Variants in CSNK1D observed in about 807,000 individuals in gnomAD.
The protein encoded by CSNK1D is casein kinase I isoform delta.
A neutral mutation model predicts 46.6 loss-of-function variants in CSNK1D; 16 were observed. The ratio of observed to expected loss-of-function variants is 0.34; its 90% CI spans 0.23 to 0.52. The LOEUF is 0.52. Ranked by LOEUF, CSNK1D falls within the 20% of genes least tolerant of loss-of-function variation. The pLI, the probability that CSNK1D is intolerant of heterozygous loss-of-function variation, is 0.95. For synonymous variants in CSNK1D, 276 were observed against 228.2 expected (o/e 1.21, Z -1.89); for missense variants, 398 against 578.4 (o/e 0.69, Z 3.20).
At chr17:82,254,304 C>T (rs1328431684) in intron 3 of CSNK1D, 16 of 280,656 alleles carry the variant, frequency 5.7e-5, no homozygotes, top group African/African-American at 1.5e-4. Flanking sequence ...GCCGGAGCCT[C>T]GAGAAGCCAG....
rs78642182 is a variant in CSNK1D at position 82,249,439 on chromosome 17, G to A, written c.1049C>T (p.Ser350Leu). 1.3e-6 allele frequency: 2 copies of A among 1,537,206 alleles called. No homozygotes were observed. Among genetic ancestry groups the A allele is most frequent in the African/African-American group, 1.4e-5 (1 of 73,040 alleles). ...GGGAGGGGGGCACTCACCCGTGTGT[G>A]AGGTAGGGGTGAGGGGTGTGGGGGG... ...VAPPTPLTPT[S>L]HTANTSPRPV... The change falls in exon 7 of 9, where the codon TCA becomes TTA. Residue 350 changes from serine (S) to leucine (L), a missense_variant. Ser to Leu is a moderately radical substitution (Grantham distance 145). Transcript: ENST00000314028. The surrounding 1 kb of genome is among the most constrained non-coding windows in gnomAD (Gnocchi z 6.7).
At chr17:82,263,865 C>T (rs1403081714) in intron 2 of CSNK1D, among the ~76,000 whole-genome samples, 1 of 152,244 alleles carries the variant, frequency 6.6e-6, no homozygotes, top group Non-Finnish European at 1.5e-5. Flanking sequence ...GCCAGTCCAC[C>T]ACCAAGGGCC....
chr17:82,271,537 A>G (rs2051623811), intron 1 of CSNK1D, among the ~76,000 whole-genome samples: 2 of 152,228 alleles, frequency 1.3e-5, no homozygotes, highest in Non-Finnish European at 2.9e-5. Context: ...CCAAGAACAC[A>G]TCCAGCTGAC....
intron 3 of CSNK1D, chr17:82,253,567 C>T (rs2051070535): frequency 5.2e-6 from 2 of 384,530 alleles, no homozygotes; most frequent in South Asian, 2.1e-5. Flanking sequence ...GACTACACAC[C>T]AGGATTAGCA....
intron 2 of CSNK1D, among the ~76,000 whole-genome samples, chr17:82,257,652 C>T (rs2051207565): frequency 6.6e-6 from 1 of 152,200 alleles, no homozygotes; most frequent in Non-Finnish European, 1.5e-5. Context: ...CGTGAGAGGG[C>T]GCCCTGGGCT....
intron 3 of CSNK1D, chr17:82,253,999 G>A (rs1374038339): frequency 4.7e-5 from 10 of 212,890 alleles, no homozygotes; most frequent in Admixed American, 1.4e-4. Flanking sequence ...CTGAGCCGCC[G>A]GAGCCTCGAG....
rs187055343 is a variant in CSNK1D at position 82,258,034 on chromosome 17, G to A, written c.188-2457C>T. Among the ~76,000 whole-genome samples the A allele has an allele frequency of 9.6e-4, 146 of 151,674 alleles. 1 individual carries two copies. The highest frequency in any genetic ancestry group is 3.2e-3 in the African/African-American group (134 of 41,380). On this transcript the variant is annotated intron_variant, in intron 2 of 8. Coordinates refer to ENST00000314028, the MANE Select transcript of CSNK1D (RefSeq NM_001893.6). ...AGAAAGAAAACATACTGAGACCCCCGTCTCTACAAAAAAATTTTAAAAATT... is the reference window on the plus strand; with the variant it reads ...AGAAAGAAAACATACTGAGACCCCCATCTCTACAAAAAAATTTTAAAAATT...
chr17:82,272,454 AAT>A (rs2147234931), intron 1 of CSNK1D: 1 of 152,404 alleles, frequency 6.6e-6, no homozygotes, highest in South Asian at 2.0e-4. Flanking sequence ...AAAACCTTCT[AAT>A]CCCATTGTTT....
intron 3 of CSNK1D, chr17:82,253,667 G>A (rs2051072867): frequency 5.7e-6 from 2 of 349,822 alleles, no homozygotes; most frequent in Admixed American, 4.1e-5. Flanking sequence ...CTGGTACCGA[G>A]AAGGTGGCCT....
chr17:82,265,821 C>A (rs761046544), intron 1 of CSNK1D, 25 bp from the exon 2 acceptor site: 1 of 1,557,066 alleles, frequency 6.4e-7, no homozygotes, highest in Non-Finnish European at 8.9e-7. Flanking sequence ...AAAACCACAA[C>A]AGGAATTACC....
Position 82,249,072 on chromosome 17 carries a change from GCTTT to G in CSNK1D, c.1058-62_1058-59del. The G allele has an allele frequency of 1.3e-6, 2 of 1,536,076 alleles. No homozygotes were observed. The highest frequency in any genetic ancestry group is 1.8e-6 in the Non-Finnish European group (2 of 1,138,676). Reference sequence around the variant, plus strand: ...CCCCGTCTGCTGCCTCTCACTCGGGGCTTTCTATGAGAGGCTGTGGCCAGAGAGG... The same window carrying G: ...CCCCGTCTGCTGCCTCTCACTCGGGGCTATGAGAGGCTGTGGCCAGAGAGG... On this transcript the variant is annotated intron_variant, in intron 7 of 8. Coordinates refer to ENST00000314028, the MANE Select transcript of CSNK1D (RefSeq NM_001893.6). The surrounding 1 kb of genome is among the most constrained non-coding windows in gnomAD (Gnocchi z 6.7).
rs1447280713 is a variant in CSNK1D, at chr17:82,250,150, G to A, written c.886-548C>T. 6 of 1,290,146 alleles carry A rather than the reference G, an allele frequency of 4.7e-6. No homozygotes were observed. The highest frequency in any genetic ancestry group is 1.2e-5 in the South Asian group (1 of 81,040). 79.9% of individuals were successfully genotyped at this position (1,290,146 alleles called of 1,614,324 possible). A position where few individuals can be genotyped will look rare whatever the true frequency, so the allele number is the denominator to read the frequency against. ...GCACTATCCAGATGCACGGGGGTGGGGAGGTCAGATTTTAAGCCGAGACAG... is the reference window on the plus strand; with the variant it reads ...GCACTATCCAGATGCACGGGGGTGGAGAGGTCAGATTTTAAGCCGAGACAG... On this transcript the variant is annotated intron_variant, in intron 6 of 8. Coordinates refer to ENST00000314028, the MANE Select transcript of CSNK1D (RefSeq NM_001893.6). This position sits in a 1 kb window ranked among gnomAD's most constrained non-coding sequence, Gnocchi z 4.6.
rs1358944099 is a variant in CSNK1D, at chr17:82,248,102, G to A, written c.1197+773C>T. 1.0e-6 allele frequency: 1 copy of A among 985,482 alleles called. No individual in the cohort carries two copies. Among genetic ancestry groups the A allele is most frequent in the Non-Finnish European group, 1.2e-6 (1 of 829,968 alleles). 61.0% of individuals were successfully genotyped at this position (985,482 alleles called of 1,614,324 possible). ...CCTGCTCATCCGGAAGACCCGTGGG[G>A]GATCTGGGCACCCCCCAGGATGCCT... On this transcript the variant is annotated intron_variant, in intron 8 of 8. Transcript: ENST00000314028. The surrounding 1 kb of genome is among the most constrained non-coding windows in gnomAD (Gnocchi z 4.1).
chr17:82,253,711 G>A (rs568444556), intron 3 of CSNK1D: 1 of 342,682 alleles, frequency 2.9e-6, no homozygotes, highest in Admixed American at 4.4e-5. Context: ...AGAGCCTCGA[G>A]AAGCCAGTGA....
intron 2 of CSNK1D, among the ~76,000 whole-genome samples, chr17:82,259,693 T>A (rs1281574062): frequency 6.6e-6 from 1 of 152,202 alleles, no homozygotes; most frequent in Non-Finnish European, 1.5e-5. Flanking sequence ...CTCAACGCAG[T>A]ATGAGTCAGA....
rs186269833 is a variant in CSNK1D, at chr17:82,249,890, G to A, written c.886-288C>T. On this transcript the variant is annotated intron_variant, in intron 6 of 8. Transcript: ENST00000314028. The surrounding 1 kb of genome is among the most constrained non-coding windows in gnomAD (Gnocchi z 6.7). ...TCCTTAAACTTCCAAATGGGCAGCA[G>A]CTACCCCCTGCTGCTCTGTGAACAT... 4.4e-5 allele frequency: 61 copies of A among 1,376,406 alleles called. No individual in the cohort carries two copies. The highest frequency in any genetic ancestry group is 6.6e-6 in the Non-Finnish European group (7 of 1,061,910). 85.3% of individuals were successfully genotyped at this position (1,376,406 alleles called of 1,614,324 possible).
chr17:82,244,930 G>A (rs945930416), intron 8 of CSNK1D, 99 bp from the exon 9 acceptor site: 40 of 1,507,426 alleles, frequency 2.7e-5, no homozygotes, highest in Admixed American at 1.0e-4. Flanking sequence ...GGGACGCACC[G>A]CCACCGCCTA....
rs538852950 is a variant in CSNK1D, at chr17:82,263,111, C to A, written c.187+2575G>T. Among the ~76,000 whole-genome samples the A allele has an allele frequency of 3.5e-3, 529 of 152,258 alleles. 1 individual carries two copies. The highest frequency in any genetic ancestry group is 6.3e-3 in the Non-Finnish European group (428 of 68,012). On this transcript the variant is annotated intron_variant, in intron 2 of 8. Transcript: ENST00000314028. ...AGGAGAATGGCCTGAACCCAGGAGG[C>A]GGAGGTTGCAGTGGGCCAAGATTGC...
chr17:82,269,119 AGC>A (rs1399247175), intron 1 of CSNK1D, among the ~76,000 whole-genome samples: 2 of 148,524 alleles, frequency 1.3e-5, no homozygotes, highest in Admixed American at 6.7e-5. Flanking sequence ...AAAAAAAAAA[AGC>A]AGATGGTGAG....
Sources: gnomAD v4.1 joint callset for allele counts (sites outside exome capture counted in the v4.1 genomes callset) on GRCh38, gnomAD v4.1.1 for gene constraint, Gnocchi (gnomAD v3.1) non-coding constraint, MANE v1.5 for transcripts, NCBI Gene and HGNC (gene_info 2026-07-23, HGNC 2026-07-21) for gene names.